WWP2: variants seen among roughly 807,000 people sequenced by gnomAD.
The protein encoded by WWP2 is WW domain containing E3 ubiquitin protein ligase 2, also known as NEDD4-like E3 ubiquitin-protein ligase WWP2.
Under a neutral mutation model 121.0 loss-of-function variants are expected in WWP2, and 57 were observed. The observed-to-expected ratio is 0.47, with a 90% CI of 0.38 to 0.59. The LOEUF is 0.59. WWP2 is among the 20% of genes least tolerant of loss of function. The probability of loss-of-function intolerance (pLI) is 0.00; values close to 1 mark genes in which losing one functional copy is unlikely to be tolerated. For missense variants in WWP2, 962 were observed against 1,158.9 expected, an observed-to-expected ratio of 0.83 and a Z score of 2.47; for synonymous variants, 449 against 441.3, an observed-to-expected ratio of 1.02 and a Z score of -0.22.
chr16:69,768,602 C>T (rs1025044700), intron 1 of WWP2, among the ~76,000 whole-genome samples: 3 of 152,252 alleles, frequency 2.0e-5, no homozygotes, highest in Admixed American at 6.5e-5. Context: ...AAGAGCGAAA[C>T]TCCTTCTCAA....
intron 1 of WWP2, 73 bp from the exon 2 acceptor site, chr16:69,786,923 A>T: frequency 7.5e-7 from 1 of 1,325,962 alleles, no homozygotes; most frequent in Non-Finnish European, 1.0e-6. Context: ...AAGCTTAAAT[A>T]TTGAAATTGA....
intron 1 of WWP2, among the ~76,000 whole-genome samples, chr16:69,770,013 C>T (rs2055383041): frequency 6.6e-6 from 1 of 151,954 alleles, no homozygotes; most frequent in Non-Finnish European, 1.5e-5. Flanking sequence ...AGGCACATGC[C>T]GTCATACCCA....
intron 6 of WWP2, among the ~76,000 whole-genome samples, chr16:69,846,643 C>A (rs1203987836): frequency 3.3e-5 from 5 of 151,880 alleles, no homozygotes; most frequent in Non-Finnish European, 2.9e-5. Flanking sequence ...ATCACTTGAA[C>A]CCCCGAGGTG....
At chr16:69,875,749 T>C (rs530346641) in intron 7 of WWP2, among the ~76,000 whole-genome samples, 10 of 152,284 alleles carry the variant, frequency 6.6e-5, no homozygotes, top group Admixed American at 3.9e-4. Flanking sequence ...TATTCAGGCC[T>C]ACTTCTTATT....
At chr16:69,807,707 C>T (rs1481973933) in intron 4 of WWP2, among the ~76,000 whole-genome samples, 1 of 148,930 alleles carries the variant, frequency 6.7e-6, no homozygotes, top group Non-Finnish European at 1.5e-5. Flanking sequence ...AATCCTAGCA[C>T]TTTGGGAGGC....
At chr16:69,808,242 T>TTGACAC (rs2056320630) in intron 4 of WWP2, among the ~76,000 whole-genome samples, 1 of 152,114 alleles carries the variant, frequency 6.6e-6, no homozygotes, top group Admixed American at 6.6e-5. Flanking sequence ...ATTAAAGATA[T>TTGACAC]ATGACCTTTT....
At chr16:69,780,192 A>G (rs1384483757) in intron 1 of WWP2, among the ~76,000 whole-genome samples, 1 of 150,854 alleles carries the variant, frequency 6.6e-6, no homozygotes, top group East Asian at 1.9e-4. Flanking sequence ...ACAACAACGT[A>G]TACAGTTGTT....
intron 4 of WWP2, chr16:69,828,158 G>A: frequency 3.0e-6 from 1 of 333,486 alleles, no homozygotes; most frequent in Admixed American, 4.3e-5. Context: ...AATAAGGGTG[G>A]TCCTGGTTGG....
intron 6 of WWP2, among the ~76,000 whole-genome samples, chr16:69,864,243 C>T (rs757662562): frequency 2.1e-4 from 32 of 152,146 alleles, no homozygotes; most frequent in Non-Finnish European, 3.8e-4. Flanking sequence ...TGGTGCGCAC[C>T]TGTGATCCCA....
chr16:69,861,767 C>T (rs187396913), intron 6 of WWP2, among the ~76,000 whole-genome samples: 20 of 151,604 alleles, frequency 1.3e-4, no homozygotes, highest in African/African-American at 4.1e-4. Flanking sequence ...TTTCCCATTA[C>T]GGCTTCCTTT....
chr16:69,834,881 AAAAG>A (rs1037167317), intron 4 of WWP2, among the ~76,000 whole-genome samples: 19 of 152,090 alleles, frequency 1.2e-4, no homozygotes, highest in African/African-American at 4.6e-4. Flanking sequence ...TTTAAGGAAA[AAAAG>A]AAAAGAAATT....
chr16:69,851,008 A>AT (rs35175050), intron 6 of WWP2, among the ~76,000 whole-genome samples: 18,414 of 109,552 alleles, frequency 0.17, 1,869 homozygotes, highest in East Asian at 0.48. Context: ...TCACTCTTTA[A>AT]TTTTTTTTTT....
At chr16:69,786,245 A>G (rs1356011684) in intron 1 of WWP2, 1 of 151,016 alleles carries the variant, frequency 6.6e-6, no homozygotes, top group Non-Finnish European at 1.5e-5. Flanking sequence ...CCCGGGTTCA[A>G]GCAATTCTCT....
At chr16:69,877,254 A>C (rs2057750216) in intron 7 of WWP2, among the ~76,000 whole-genome samples, 1 of 152,154 alleles carries the variant, frequency 6.6e-6, no homozygotes, top group Admixed American at 6.5e-5. Context: ...CATTTTCTTC[A>C]CTTGGACTTT....
chr16:69,850,236 A>T (rs1030444758), intron 6 of WWP2, among the ~76,000 whole-genome samples: 1 of 151,932 alleles, frequency 6.6e-6, no homozygotes, highest in Non-Finnish European at 1.5e-5. Context: ...AATACAAAAA[A>T]ATTAGCCGGG....
At chr16:69,798,013 C>G (rs190689681) in intron 2 of WWP2, among the ~76,000 whole-genome samples, 68 of 152,342 alleles carry the variant, frequency 4.5e-4, no homozygotes, top group Non-Finnish European at 8.2e-4. Flanking sequence ...CCGCCACGCC[C>G]GGCCTTAGCT....
chr16:69,863,042 G>A (rs1235511161), intron 6 of WWP2, among the ~76,000 whole-genome samples: 2 of 151,994 alleles, frequency 1.3e-5, no homozygotes, highest in South Asian at 2.1e-4. Flanking sequence ...ATGAATTCTC[G>A]GCATTTGGGA....
intron 4 of WWP2, among the ~76,000 whole-genome samples, chr16:69,837,314 C>T (rs1281725748): frequency 3.3e-5 from 5 of 150,666 alleles, no homozygotes; most frequent in African/African-American, 1.2e-4. Context: ...GATCCTCCTA[C>T]CTCAGCCTCC....
At chr16:69,936,896 G>A in intron 19 of WWP2, 1 of 567,246 alleles carries the variant, frequency 1.8e-6, no homozygotes, top group African/African-American at 1.9e-5. Flanking sequence ...GCAGGAGCAG[G>A]AGGAGGTGGT....
Sources: gnomAD v4.1 joint callset for allele counts (sites outside exome capture counted in the v4.1 genomes callset) on GRCh38, gnomAD v4.1.1 for gene constraint, MANE v1.5 for transcripts, NCBI Gene and HGNC (gene_info 2026-07-23, HGNC 2026-07-21) for gene names.